Variants in MICAL3 observed in about 807,000 individuals in gnomAD.
MICAL3 encodes microtubule associated monooxygenase, calponin and LIM domain containing 3.
A neutral mutation model predicts 207.4 loss-of-function variants in MICAL3; 62 were observed. The observed-to-expected ratio is 0.30, with a 90% CI of 0.24 to 0.37. The LOEUF is 0.37. Among genes scored for constraint, MICAL3 ranks in the 10% least tolerant of loss-of-function variants. The probability of loss-of-function intolerance (pLI) is 1.00; values close to 1 mark genes in which losing one functional copy is unlikely to be tolerated. For missense variants in MICAL3, 2,368 were observed against 2,635.6 expected, an observed-to-expected ratio of 0.90 and a Z score of 2.22; for synonymous variants, 1,077 against 1,069.3, an observed-to-expected ratio of 1.01 and a Z score of -0.14.
intron 16 of MICAL3, chr22:17,884,125 T>C: frequency 5.5e-6 from 3 of 545,682 alleles, no homozygotes; most frequent in East Asian, 3.4e-5. Flanking sequence ...TGTTCAATGT[T>C]TTCCCAGAGC....
intron 12 of MICAL3, among the ~76,000 whole-genome samples, chr22:17,889,803 C>T (rs1476701118): frequency 2.0e-5 from 3 of 152,078 alleles, no homozygotes; most frequent in African/African-American, 4.8e-5. Context: ...CGGGACCTGT[C>T]TCTAAAAATA....
chr22:17,938,687 C>T (rs528714850), intron 1 of MICAL3, among the ~76,000 whole-genome samples: 28 of 152,304 alleles, frequency 1.8e-4, no homozygotes, highest in African/African-American at 4.6e-4. Context: ...AAGGACTAAA[C>T]GGAAGCGTGG....
At chr22:17,945,867 A>G (rs1162513704) in intron 1 of MICAL3, among the ~76,000 whole-genome samples, 1 of 152,162 alleles carries the variant, frequency 6.6e-6, no homozygotes, top group African/African-American at 2.4e-5. Context: ...ACACAGGCCA[A>G]GCCCCACAGG....
At chr22:17,802,399 G>A (rs540827617) in intron 29 of MICAL3, among the ~76,000 whole-genome samples, 1 of 152,284 alleles carries the variant, frequency 6.6e-6, no homozygotes, top group South Asian at 2.1e-4. Context: ...CACTCCCGAG[G>A]TGGTGTTAGG....
chr22:17,865,855 C>A, intron 18 of MICAL3, 69 bp downstream of exon 18: 1 of 1,367,048 alleles, frequency 7.3e-7, no homozygotes, highest in Non-Finnish European at 1.0e-6. Flanking sequence ...GGTTGGCCGC[C>A]CCCGGCCCAT....
intron 20 of MICAL3, among the ~76,000 whole-genome samples, chr22:17,832,491 C>T (rs948775338): frequency 1.6e-4 from 25 of 152,172 alleles, no homozygotes; most frequent in African/African-American, 5.3e-4. Flanking sequence ...TGACTGCAGC[C>T]GCTCAAACTC....
intron 1 of MICAL3, among the ~76,000 whole-genome samples, chr22:18,011,058 GGCCTGCAGT>G (rs1386918068): frequency 1.3e-5 from 2 of 152,186 alleles, no homozygotes; most frequent in Non-Finnish European, 2.9e-5. Context: ...AGCGATCACA[GGCCTGCAGT>G]GCTGCTTTTG....
At chr22:17,909,154 A>G (rs570366669) in intron 1 of MICAL3, among the ~76,000 whole-genome samples, 2 of 152,362 alleles carry the variant, frequency 1.3e-5, no homozygotes, top group African/African-American at 4.8e-5. Context: ...TACATTGCAG[A>G]TGGAACACAC....
Position 17,789,840 on chromosome 22 carries a change from G to A in MICAL3, c.*892C>T, listed in dbSNP as rs951746280. The A allele has an allele frequency of 2.6e-5, 4 of 152,214 alleles. No homozygotes were observed. Among genetic ancestry groups the A allele is most frequent in the Non-Finnish European group, 4.4e-5 (3 of 68,042 alleles). The allele number at this position is 152,214 out of a possible 1,614,324, so 9.4% of individuals were successfully genotyped here. Reference sequence around the variant, plus strand: ...AAAAAATAAGTTAATTGACAAAAAGGGTTTGAAGCGGCTGAGCGTCTTGCC... The same window carrying A: ...AAAAAATAAGTTAATTGACAAAAAGAGTTTGAAGCGGCTGAGCGTCTTGCC... On this transcript the variant is annotated 3_prime_UTR_variant, in exon 32 of 32. Coordinates refer to ENST00000441493, the MANE Select transcript of MICAL3 (RefSeq NM_015241.3).
intron 29 of MICAL3, among the ~76,000 whole-genome samples, chr22:17,794,224 G>GT (rs2061853035): frequency 6.6e-6 from 1 of 152,216 alleles, no homozygotes; most frequent in African/African-American, 2.4e-5. Context: ...TTGTCATACC[G>GT]GGGCCTTTGG....
At position 17,896,697 on chromosome 22, in the gene MICAL3, C is replaced by A. The variant is rs745898992; in HGVS notation, c.1206+27G>T. 5.0e-6 allele frequency: 8 copies of A among 1,606,962 alleles called. No individual in the cohort carries two copies. The Admixed American group carries it at 1.2e-4, about 24-fold the overall frequency. ...CTCCTAATTATTCCTGCCCCTACCACAGAGTGCTGCCATGCTTAGCACTCA... is the reference window on the plus strand; with the variant it reads ...CTCCTAATTATTCCTGCCCCTACCAAAGAGTGCTGCCATGCTTAGCACTCA... On this transcript the variant is annotated intron_variant, in intron 8 of 31. Coordinates refer to ENST00000441493, the MANE Select transcript of MICAL3 (RefSeq NM_015241.3).
intron 16 of MICAL3, among the ~76,000 whole-genome samples, chr22:17,882,143 G>A (rs1474082122): frequency 6.6e-6 from 1 of 152,180 alleles, no homozygotes; most frequent in Non-Finnish European, 1.5e-5. Flanking sequence ...ACTAGGGCTG[G>A]TTAATGCACA....
chr22:17,893,284 C>T (rs1930527852), intron 11 of MICAL3, among the ~76,000 whole-genome samples: 1 of 152,142 alleles, frequency 6.6e-6, no homozygotes, highest in Admixed American at 6.6e-5. Flanking sequence ...CTCCTCCAAC[C>T]CCTCTCACGT....
intron 1 of MICAL3, among the ~76,000 whole-genome samples, chr22:18,023,690 C>A (rs1011854669): frequency 6.6e-6 from 1 of 152,218 alleles, no homozygotes; most frequent in African/African-American, 2.4e-5. Context: ...GCTGCGCCGG[C>A]GCAGCGCGCC....
At chr22:17,995,491 A>ATTTTT (rs138357470) in intron 1 of MICAL3, among the ~76,000 whole-genome samples, 3 of 77,590 alleles carry the variant, frequency 3.9e-5, no homozygotes, top group African/African-American at 1.2e-4. Context: ...CTTTTCTTTA[A>ATTTTT]TTTTTTTTTT....
At chr22:17,939,055 C>A (rs7291304) in intron 1 of MICAL3, among the ~76,000 whole-genome samples, 27,352 of 152,044 alleles carry the variant, frequency 0.18, 2,648 homozygotes, top group Middle Eastern at 0.26. Context: ...CTAATCCATT[C>A]ATGGATTAAT....
chr22:17,958,696 G>GTTTTTTTTT (rs1569147160), intron 1 of MICAL3, among the ~76,000 whole-genome samples: 2 of 126,352 alleles, frequency 1.6e-5, no homozygotes, highest in East Asian at 2.0e-4. Context: ...TGAGTTGTTG[G>GTTTTTTTTT]GTTTTTTTAT....
chr22:17,851,964 G>T (rs939652924), intron 19 of MICAL3, among the ~76,000 whole-genome samples: 3 of 152,124 alleles, frequency 2.0e-5, no homozygotes, highest in Non-Finnish European at 4.4e-5. Context: ...GCAAGTCCAG[G>T]CTGACGTGCT....
At chr22:17,873,876 G>GT (rs1927976890) in intron 16 of MICAL3, among the ~76,000 whole-genome samples, 1 of 152,208 alleles carries the variant, frequency 6.6e-6, no homozygotes, top group Non-Finnish European at 1.5e-5. Flanking sequence ...CCACCATGTG[G>GT]GTGATGCTCC....
Sources: allele counts gnomAD v4.1 joint callset (sites outside exome capture counted in the v4.1 genomes callset), GRCh38; gene constraint gnomAD v4.1.1; transcripts MANE v1.5; gene names NCBI Gene and HGNC (gene_info 2026-07-23, HGNC 2026-07-21).